Variants in RGS12 observed in about 807,000 individuals in gnomAD.
RGS12 encodes regulator of G protein signaling 12.
In RGS12, 66 loss-of-function variants were observed where a neutral mutation model predicts 120.1. The ratio of observed to expected loss-of-function variants is 0.55; its 90% CI spans 0.45 to 0.67. The LOEUF is 0.67. RGS12 is among the 30% of genes least tolerant of loss of function. The pLI is 0.00. For synonymous variants in RGS12, 827 were observed against 804.7 expected, an observed-to-expected ratio of 1.03 and a Z score of -0.47; for missense variants, 1,859 against 1,957.7, an observed-to-expected ratio of 0.95 and a Z score of 0.95.
chr4:3,380,107 A>G (rs1204528491), intron 3 of RGS12, among the ~76,000 whole-genome samples: 1 of 152,232 alleles, frequency 6.6e-6, no homozygotes, highest in African/African-American at 2.4e-5. Flanking sequence ...TTGGGTCTAT[A>G]TCCCCATTCC....
chr4:3,427,763 GAA>G (rs986885753), intron 14 of RGS12, among the ~76,000 whole-genome samples: 1 of 152,128 alleles, frequency 6.6e-6, no homozygotes, highest in African/African-American at 2.4e-5. Context: ...AAAGAAAAGA[GAA>G]AGAAAATATG....
intron 4 of RGS12, among the ~76,000 whole-genome samples, chr4:3,405,619 C>T (rs758931784): frequency 7.9e-5 from 12 of 152,156 alleles, no homozygotes; most frequent in South Asian, 2.1e-4. Context: ...ATTTTGATGT[C>T]GGTACTTGGT....
chr4:3,392,035 T>C (rs1055924227), intron 4 of RGS12, among the ~76,000 whole-genome samples: 3 of 152,178 alleles, frequency 2.0e-5, no homozygotes, highest in African/African-American at 4.8e-5. Context: ...CAGGAGAGTA[T>C]GTATGAAGTT....
chr4:3,392,735 T>C (rs1719634840), intron 4 of RGS12, among the ~76,000 whole-genome samples: 1 of 152,208 alleles, frequency 6.6e-6, no homozygotes, highest in Non-Finnish European at 1.5e-5. Context: ...ATGCCTGTAA[T>C]CCCAGCACTT....
At chr4:3,332,615 C>G (rs530049902) in intron 2 of RGS12, among the ~76,000 whole-genome samples, 5 of 152,310 alleles carry the variant, frequency 3.3e-5, no homozygotes, top group Admixed American at 6.5e-5. Flanking sequence ...TCTGCGTTTC[C>G]TCTCTGTTGA....
At chr4:3,428,052 T>C in intron 14 of RGS12, 38 bp from the exon 15 acceptor site, 2 of 1,577,866 alleles carry the variant, frequency 1.3e-6, no homozygotes, top group Non-Finnish European at 1.7e-6. Flanking sequence ...CAGATGGATT[T>C]GCGAGTCCCT....
In RGS12 at chr4:3,370,182, C is replaced by G. The variant is rs923936408; in HGVS notation, c.1999-16234C>G. Reference sequence around the variant, plus strand: ...GCGAGAGGGAACTTCATCGGAAATGCCTTTAAACTTTTCTCACACGCACAA... The same window carrying G: ...GCGAGAGGGAACTTCATCGGAAATGGCTTTAAACTTTTCTCACACGCACAA... On this transcript the variant is annotated intron_variant, in intron 3 of 17. Transcript: ENST00000336727. The G allele has an allele frequency of 1.7e-5, 27 of 1,582,066 alleles. No individual in the cohort carries two copies. In the East Asian group the frequency reaches 5.7e-4, roughly 33 times the overall value.
intron 3 of RGS12, among the ~76,000 whole-genome samples, chr4:3,357,650 C>T (rs1053773749): frequency 6.6e-6 from 1 of 152,032 alleles, no homozygotes; most frequent in Non-Finnish European, 1.5e-5. Flanking sequence ...GTCTTGGTAC[C>T]CTTGTCAAAA....
chr4:3,380,976 A>G (rs542383343), intron 3 of RGS12, among the ~76,000 whole-genome samples: 113 of 152,260 alleles, frequency 7.4e-4, no homozygotes, highest in African/African-American at 2.6e-3. Flanking sequence ...TTTCTGTCAC[A>G]TCGTCAGGCT....
chr4:3,354,393 C>G (rs1284612237), intron 3 of RGS12, among the ~76,000 whole-genome samples: 2 of 152,190 alleles, frequency 1.3e-5, no homozygotes, highest in South Asian at 2.1e-4. Context: ...CTTAATCATA[C>G]TGGGTGTGTT....
chr4:3,298,100 G>T (rs1303468871), intron 1 of RGS12, among the ~76,000 whole-genome samples: 1 of 152,158 alleles, frequency 6.6e-6, no homozygotes, highest in African/African-American at 2.4e-5. Context: ...GATCTCTCCT[G>T]CCTCAAGCTC....
At chr4:3,338,306 C>T (rs578063331) in intron 2 of RGS12, among the ~76,000 whole-genome samples, 9 of 152,344 alleles carry the variant, frequency 5.9e-5, no homozygotes, top group Non-Finnish European at 1.0e-4. Flanking sequence ...GTGGTCCACC[C>T]GCCTCGGCCT....
chr4:3,358,644 A>G (rs1715120537), intron 3 of RGS12, among the ~76,000 whole-genome samples: 1 of 151,972 alleles, frequency 6.6e-6, no homozygotes, highest in African/African-American at 2.4e-5. Context: ...GATTTTTCAT[A>G]TGTTGAATTA....
chr4:3,321,247 C>T (rs1405208921), intron 2 of RGS12, among the ~76,000 whole-genome samples: 2 of 152,182 alleles, frequency 1.3e-5, no homozygotes, highest in Non-Finnish European at 2.9e-5. Flanking sequence ...GCGTGGGAGG[C>T]TTAGATACCC....
chr4:3,403,999 C>A (rs912806257), intron 4 of RGS12, among the ~76,000 whole-genome samples: 1 of 152,174 alleles, frequency 6.6e-6, no homozygotes, highest in Admixed American at 6.5e-5. Flanking sequence ...GGCAGCCCTC[C>A]CTGCACTACC....
chr4:3,317,446 A>C lies in RGS12; in HGVS notation c.1276A>C (p.Ile426Leu). Residue 426 changes from isoleucine (I) to leucine (L), a missense_variant, in exon 2 of 18, where the codon ATT becomes CTT. Coordinates refer to ENST00000336727, the MANE Select transcript of RGS12 (RefSeq NM_001394154.1). ...CACCAGCAGCAACAGTGACAGCGGC[A>C]TTGGGAACTTCCACCAGGAGGAGAA... is the stretch of plus-strand genomic sequence containing the variant. ...NSTSSNSDSG[I>L]GNFHQEEKSN... 1.2e-6 allele frequency: 2 copies of C among 1,614,038 alleles called. No individual in the cohort carries two copies. Among genetic ancestry groups the C allele is most frequent in the Non-Finnish European group, 1.7e-6 (2 of 1,180,034 alleles).
At chr4:3,304,665 T>TTTGTCTC (rs985834618) in intron 1 of RGS12, among the ~76,000 whole-genome samples, 1 of 152,190 alleles carries the variant, frequency 6.6e-6, no homozygotes, top group Non-Finnish European at 1.5e-5. Flanking sequence ...TTCTGTAGAG[T>TTTGTCTC]TTGTCTCTGG....
intron 3 of RGS12, among the ~76,000 whole-genome samples, chr4:3,379,515 G>A (rs551384695): frequency 6.6e-6 from 1 of 152,216 alleles, no homozygotes; most frequent in South Asian, 2.1e-4. Flanking sequence ...AATATTACCT[G>A]TTGTATTAGT....
intron 3 of RGS12, among the ~76,000 whole-genome samples, chr4:3,367,012 C>A (rs561848528): frequency 6.6e-6 from 1 of 152,352 alleles, no homozygotes; most frequent in South Asian, 2.1e-4. Context: ...ATCCCTGCTG[C>A]CCTGGCTGGA....
Sources: allele counts gnomAD v4.1 joint callset (sites outside exome capture counted in the v4.1 genomes callset), GRCh38; gene constraint gnomAD v4.1.1; transcripts MANE v1.5; gene names NCBI Gene and HGNC (gene_info 2026-07-23, HGNC 2026-07-21).